PTPRD: variants seen among roughly 807,000 people sequenced by gnomAD.
PTPRD encodes the protein protein tyrosine phosphatase receptor type D.
A neutral mutation model predicts 214.5 loss-of-function variants in PTPRD; 34 were observed. That is an observed-to-expected ratio of 0.16 (90% confidence interval 0.12 to 0.21). PTPRD has a LOEUF of 0.21. Among genes scored for constraint, PTPRD ranks in the 10% least tolerant of loss-of-function variants. The pLI, the probability that PTPRD is intolerant of heterozygous loss-of-function variation, is 1.00. For missense variants in PTPRD, 2,545 were observed against 2,398.7 expected (o/e 1.06, Z -1.27); for synonymous variants, 1,128 against 845.7 (o/e 1.33, Z -5.79).
intron 12 of PTPRD, among the ~76,000 whole-genome samples, chr9:8,692,798 T>A (rs1028321018): frequency 1.3e-5 from 2 of 152,302 alleles, no homozygotes; most frequent in East Asian, 3.9e-4. Flanking sequence ...CCCAAATTCA[T>A]AAATTTTCAA....
intron 11 of PTPRD, among the ~76,000 whole-genome samples, chr9:8,972,101 A>C (rs749241940): frequency 2.8e-4 from 42 of 151,902 alleles, no homozygotes; most frequent in South Asian, 1.7e-3. Flanking sequence ...TCCAGGAGAC[A>C]GTTCTGATAG....
intron 3 of PTPRD, among the ~76,000 whole-genome samples, chr9:10,327,336 G>C (rs1350327076): frequency 6.6e-6 from 1 of 151,328 alleles, no homozygotes; most frequent in Non-Finnish European, 1.5e-5. Context: ...GAAACGACCA[G>C]ATCATTTATC....
intron 5 of PTPRD, among the ~76,000 whole-genome samples, chr9:9,806,177 C>T (rs1302933009): frequency 6.6e-6 from 1 of 152,056 alleles, no homozygotes; most frequent in Non-Finnish European, 1.5e-5. Flanking sequence ...GGCAAGAGAG[C>T]TCCAATTCAC....
At chr9:8,571,207 C>G (rs999419395) in intron 14 of PTPRD, among the ~76,000 whole-genome samples, 12 of 152,046 alleles carry the variant, frequency 7.9e-5, no homozygotes, top group African/African-American at 2.9e-4. Context: ...TTAACACTTT[C>G]CTACTAATTC....
rs140368469 is a variant in PTPRD at position 9,307,990 on chromosome 9, T to C, written c.-203+89459A>G. Among the ~76,000 whole-genome samples, 19 of 152,274 alleles carry C rather than the reference T, an allele frequency of 1.2e-4. No individual in the cohort carries two copies. In the East Asian group the frequency reaches 3.5e-3, roughly 28 times the overall value. ...AGACAAGCTATCCTGCAAAATTCTA[T>C]TCAAATGTCATCTAACTGGGTTTAT... On this transcript the variant is annotated intron_variant, in intron 9 of 45. Coordinates refer to ENST00000381196, the MANE Select transcript of PTPRD (RefSeq NM_002839.4).
At chr9:9,917,705 C>G (rs1411486622) in intron 5 of PTPRD, among the ~76,000 whole-genome samples, 2 of 151,948 alleles carry the variant, frequency 1.3e-5, no homozygotes, top group African/African-American at 2.4e-5. Context: ...AAAATACTAA[C>G]AAACCAAATC....
intron 9 of PTPRD, among the ~76,000 whole-genome samples, chr9:9,326,568 A>G (rs900177605): frequency 6.6e-6 from 1 of 152,108 alleles, no homozygotes; most frequent in African/African-American, 2.4e-5. Context: ...CTGAAAATAA[A>G]AAAAGAAAAA....
chr9:9,031,539 AC>A (rs1420567658), intron 10 of PTPRD, among the ~76,000 whole-genome samples: 1 of 152,068 alleles, frequency 6.6e-6, no homozygotes, highest in African/African-American at 2.4e-5. Flanking sequence ...AATGTGTTGC[AC>A]TATGACATAA....
intron 8 of PTPRD, among the ~76,000 whole-genome samples, chr9:9,420,136 A>G (rs936740307): frequency 6.6e-6 from 1 of 151,620 alleles, no homozygotes; most frequent in African/African-American, 2.4e-5. Flanking sequence ...TCTCCTTGTT[A>G]AAGTTTACCC....
chr9:8,341,374 G>C (rs1564097042), intron 40 of PTPRD, 106 bp from the exon 41 acceptor site: 1 of 1,234,192 alleles, frequency 8.1e-7, no homozygotes, highest in Non-Finnish European at 1.1e-6. Context: ...TAAATCTTTT[G>C]TTTACTTAAA....
rs549658470 is a variant in PTPRD, at chr9:9,916,080, T to TA, written c.-368+22426dup. ...GGCGATATATCCAAAGTACTAAAAT[T>TA]AAAAAAAAAAAAACAAAAAACTGTC... is the stretch of plus-strand genomic sequence containing the variant. On this transcript the variant is annotated intron_variant, in intron 5 of 45. Transcript: ENST00000381196. Among the ~76,000 whole-genome samples, 462 of 136,098 alleles carry TA rather than the reference T, an allele frequency of 3.4e-3. 3 individuals carry two copies. The highest frequency in any genetic ancestry group is 0.02 in the South Asian group (86 of 4,244). The allele number at this position is 136,098 out of a possible 152,430, so 89.3% of individuals were successfully genotyped here.
chr9:8,367,045 G>A (rs998146093), intron 39 of PTPRD, among the ~76,000 whole-genome samples: 33 of 152,082 alleles, frequency 2.2e-4, no homozygotes, highest in Non-Finnish European at 4.0e-4. Context: ...TTTTTCTAGT[G>A]CCAAGAGATA....
intron 10 of PTPRD, among the ~76,000 whole-genome samples, chr9:9,117,633 T>C (rs944300882): frequency 5.9e-5 from 9 of 152,238 alleles, no homozygotes; most frequent in African/African-American, 1.9e-4. Flanking sequence ...CATTACTGAA[T>C]GAAAGTTTAC....
intron 30 of PTPRD, among the ~76,000 whole-genome samples, chr9:8,480,073 G>T (rs2096847967): frequency 6.6e-6 from 1 of 152,060 alleles, no homozygotes; most frequent in Non-Finnish European, 1.5e-5. Flanking sequence ...CTTACTATAA[G>T]GTAGGACTTA....
intron 3 of PTPRD, among the ~76,000 whole-genome samples, chr9:10,221,835 C>A (rs190742872): frequency 6.6e-6 from 1 of 151,850 alleles, no homozygotes; most frequent in Non-Finnish European, 1.5e-5. Flanking sequence ...ATAATACAAG[C>A]ACTTGTGAAA....
chr9:8,930,221 T>C (rs1446066936), intron 11 of PTPRD, among the ~76,000 whole-genome samples: 1 of 151,932 alleles, frequency 6.6e-6, no homozygotes, highest in East Asian at 1.9e-4. Context: ...TTTGGTTTTT[T>C]TGTCCTTGCG....
At chr9:8,622,127 T>C (rs1023816134) in intron 14 of PTPRD, among the ~76,000 whole-genome samples, 3 of 151,866 alleles carry the variant, frequency 2.0e-5, no homozygotes, top group Non-Finnish European at 4.4e-5. Context: ...AAATGATAAG[T>C]GCAGCAATAA....
At position 9,234,175 on chromosome 9, in the gene PTPRD, T is replaced by C. The variant is rs182004525; in HGVS notation, c.-202-50812A>G. On this transcript the variant is annotated intron_variant, in intron 9 of 45. Coordinates refer to ENST00000381196, the MANE Select transcript of PTPRD (RefSeq NM_002839.4). ...CTAGGTGGAGGTTCCCCAAACTCTATTCTTAACTTCTGTGCACCTGCAGGC... is the reference window on the plus strand; with the variant it reads ...CTAGGTGGAGGTTCCCCAAACTCTACTCTTAACTTCTGTGCACCTGCAGGC... Among the ~76,000 whole-genome samples, 4 of 152,304 alleles carry C rather than the reference T, an allele frequency of 2.6e-5. No individual in the cohort carries two copies. The East Asian group carries it at 7.7e-4, about 29-fold the overall frequency.
At chr9:9,495,940 C>T (rs781767935) in intron 8 of PTPRD, among the ~76,000 whole-genome samples, 10 of 152,136 alleles carry the variant, frequency 6.6e-5, no homozygotes, top group Non-Finnish European at 1.2e-4. Context: ...GGGTAGCAGG[C>T]ACCCCAACTT....
Sources: allele counts gnomAD v4.1 joint callset (sites outside exome capture counted in the v4.1 genomes callset), GRCh38; gene constraint gnomAD v4.1.1; transcripts MANE v1.5; gene names NCBI Gene and HGNC (gene_info 2026-07-23, HGNC 2026-07-21).